Variants in KTN1 observed in about 807,000 individuals in gnomAD.
The protein encoded by KTN1 is kinectin 1.
In KTN1, 130 loss-of-function variants were observed where a neutral mutation model predicts 222.5. The ratio of observed to expected loss-of-function variants is 0.58; its 90% confidence interval spans 0.51 to 0.68. The LOEUF (loss-of-function observed/expected upper bound fraction) is 0.68, where lower values mean the gene tolerates loss of function less well. Among genes scored for constraint, KTN1 ranks in the 30% least tolerant of loss-of-function variants. KTN1 has a pLI of 0.00. For synonymous variants in KTN1, 512 were observed against 496.3 expected (o/e 1.03, Z -0.42); for missense variants, 1,508 against 1,500.4 (o/e 1.01, Z -0.08).
chr14:55,618,251 TGTG>T (rs2038666761), intron 4 of KTN1, 117 bp downstream of exon 4: 1 of 759,254 alleles, frequency 1.3e-6, no homozygotes, highest in South Asian at 2.4e-5. Context: ...ATCAAATCCT[TGTG>T]GTAGAAGACT....
intron 32 of KTN1, chr14:55,663,158 G>T: frequency 3.6e-6 from 1 of 275,152 alleles, no homozygotes; most frequent in East Asian, 8.5e-5. Context: ...ACAGTGGTTG[G>T]CATATATTAA....
intron 4 of KTN1, among the ~76,000 whole-genome samples, 178 bp downstream of exon 4, chr14:55,618,312 C>T (rs2038675301): frequency 6.6e-6 from 1 of 151,958 alleles, no homozygotes; most frequent in Non-Finnish European, 1.5e-5. Context: ...AGATCTGGAA[C>T]TTGAATTTGA....
intron 19 of KTN1, 72 bp from the exon 20 acceptor site, chr14:55,647,950 AAAT>A (rs892973127): frequency 4.4e-6 from 2 of 449,672 alleles, no homozygotes; most frequent in Non-Finnish European, 3.4e-6. Context: ...TCTCAAAAAA[AAAT>A]AATAATTATA....
At chr14:55,590,052 A>G (rs936762930) in intron 1 of KTN1, among the ~76,000 whole-genome samples, 2 of 152,166 alleles carry the variant, frequency 1.3e-5, no homozygotes, top group African/African-American at 4.8e-5. Context: ...TTCTGTAAAC[A>G]TTTTTAATAG....
Position 55,587,662 on chromosome 14 carries a change from C to T in KTN1, c.-31+7308C>T, listed in dbSNP as rs907973814. 3.4e-4 allele frequency among the ~76,000 whole-genome samples: 51 copies of T among 152,074 alleles called. 1 individual carries two copies. The highest frequency in any genetic ancestry group is 1.9e-4 in the East Asian group (1 of 5,184). Reference sequence around the variant, plus strand: ...TTGAAATGTTTCCGTAATTACTTTACGTAGTTTTCATAATCTGGGTCTCTT... The same window carrying T: ...TTGAAATGTTTCCGTAATTACTTTATGTAGTTTTCATAATCTGGGTCTCTT... On this transcript the variant is annotated intron_variant, in intron 1 of 43. Transcript: ENST00000395314.
At chr14:55,586,420 A>ATCATG (rs143785338) in intron 1 of KTN1, among the ~76,000 whole-genome samples, 9,180 of 152,236 alleles carry the variant, frequency 0.06, 376 homozygotes, top group South Asian at 0.09. Flanking sequence ...TAGGTGCATT[A>ATCATG]TCATATCATA....
intron 5 of KTN1, among the ~76,000 whole-genome samples, chr14:55,620,716 G>A (rs1482868984): frequency 6.6e-6 from 1 of 152,154 alleles, no homozygotes; most frequent in East Asian, 1.9e-4. Flanking sequence ...CAGCAGGGGG[G>A]CCCTGGGCCC....
chr14:55,623,869 C>G (rs1335816209), intron 5 of KTN1, among the ~76,000 whole-genome samples: 1 of 152,106 alleles, frequency 6.6e-6, no homozygotes, highest in Non-Finnish European at 1.5e-5. Flanking sequence ...TTAAGTGTCT[C>G]TCTTCTAATG....
intron 9 of KTN1, 46 bp downstream of exon 9, chr14:55,634,704 C>T (rs766921414): frequency 2.8e-5 from 43 of 1,525,502 alleles, no homozygotes; most frequent in South Asian, 7.5e-5. Flanking sequence ...ATAATATAGG[C>T]GTATTAGTTC....
intron 1 of KTN1, among the ~76,000 whole-genome samples, chr14:55,604,279 C>T (rs1242581269): frequency 6.6e-6 from 1 of 152,142 alleles, no homozygotes; most frequent in Non-Finnish European, 1.5e-5. Context: ...TTTGTGCTTG[C>T]TCTTCCCTCA....
chr14:55,637,668 TAA>T (rs904846056), intron 11 of KTN1, 109 bp from the exon 12 acceptor site: 123 of 627,488 alleles, frequency 2.0e-4, no homozygotes, highest in Middle Eastern at 9.3e-4. Context: ...AAGAATGCCT[TAA>T]AAAAAAAAAA....
At chr14:55,678,232 A>T in intron 41 of KTN1, 120 bp from the exon 42 acceptor site, 1 of 627,086 alleles carries the variant, frequency 1.6e-6, no homozygotes, top group Admixed American at 2.5e-5. Context: ...TTTTGGAGGG[A>T]AAAACCTGTG....
chr14:55,611,263 CTTTTTTT>C (rs897315974), intron 1 of KTN1, among the ~76,000 whole-genome samples: 1 of 116,060 alleles, frequency 8.6e-6, no homozygotes, highest in Non-Finnish European at 1.8e-5. Context: ...ATTTTCTTGT[CTTTTTTT>C]TTTTTTTTTT....
chr14:55,669,866 CAT>C (rs2045289488), intron 34 of KTN1, among the ~76,000 whole-genome samples: 1 of 151,970 alleles, frequency 6.6e-6, no homozygotes. Flanking sequence ...GATTCTGCTG[CAT>C]ATGTAACAGT....
At chr14:55,629,150 C>T (rs2040207127) in intron 6 of KTN1, among the ~76,000 whole-genome samples, 1 of 152,154 alleles carries the variant, frequency 6.6e-6, no homozygotes, top group Admixed American at 6.5e-5. Context: ...GGCGCAGTGG[C>T]TCATGCCTGT....
chr14:55,614,519 C>T lies in KTN1; in HGVS notation c.523+1948C>T, dbSNP rs189827144. Among the ~76,000 whole-genome samples, 266 of 152,194 alleles carry T rather than the reference C, an allele frequency of 1.7e-3. 2 individuals carry two copies. Among genetic ancestry groups the T allele is most frequent in the African/African-American group, 6.1e-3 (254 of 41,514 alleles). On this transcript the variant is annotated intron_variant, in intron 2 of 43. Coordinates refer to ENST00000395314, the MANE Select transcript of KTN1 (RefSeq NM_001079521.2). ...GGTTGGCAAACTGCAACCTGTGAGC[C>T]GCATGTAGCCCACTTCCTTTTTTTA...
intron 1 of KTN1, among the ~76,000 whole-genome samples, chr14:55,584,011 AC>A (rs1302095908): frequency 1.3e-5 from 2 of 152,036 alleles, no homozygotes; most frequent in African/African-American, 4.8e-5. Flanking sequence ...CTTATCTCTT[AC>A]CTAGATTTCT....
intron 43 of KTN1, chr14:55,679,980 T>G: frequency 3.1e-6 from 1 of 320,894 alleles, no homozygotes; most frequent in African/African-American, 2.2e-5. Flanking sequence ...TGCAACGGCT[T>G]CGTTAATTTA....
In KTN1 at chr14:55,604,700, CAT is replaced by C. The variant is rs946350075; in HGVS notation, c.-30-7316_-30-7315del. On this transcript the variant is annotated intron_variant, in intron 1 of 43. Coordinates refer to ENST00000395314, the MANE Select transcript of KTN1 (RefSeq NM_001079521.2). The stretch of plus-strand genomic sequence containing the variant: ...TCAGAATGTCCTAGAGCAGTCCTGA[CAT>C]ATGGTCAGTGCTAAATAACAAATGA... 1.2e-4 allele frequency among the ~76,000 whole-genome samples: 18 copies of C among 152,280 alleles called. 1 individual carries two copies. The South Asian group carries it at 2.5e-3, about 21-fold the overall frequency.
Sources: gnomAD v4.1 joint callset for allele counts (sites outside exome capture counted in the v4.1 genomes callset) on GRCh38, gnomAD v4.1.1 for gene constraint, MANE v1.5 for transcripts, NCBI Gene and HGNC (gene_info 2026-07-23, HGNC 2026-07-21) for gene names.